ABHD2: variants seen among roughly 807,000 people sequenced by gnomAD.
The protein encoded by ABHD2 is abhydrolase domain containing 2, acylglycerol lipase.
In ABHD2, 20 loss-of-function variants were observed where a neutral mutation model predicts 48.1. The ratio of observed to expected loss-of-function variants is 0.42; its 90% CI spans 0.29 to 0.60. The LOEUF (loss-of-function observed/expected upper bound fraction) is 0.60, where lower values mean the gene tolerates loss of function less well. Among genes scored for constraint, ABHD2 ranks in the 20% least tolerant of loss-of-function variants. The pLI is 0.24. For missense variants in ABHD2, 405 were observed against 550.9 expected, an observed-to-expected ratio of 0.74 and a Z score of 2.65; for synonymous variants, 209 against 214.2, an observed-to-expected ratio of 0.98 and a Z score of 0.21.
chr15:89,149,316 C>T (rs746651177), intron 3 of ABHD2, among the ~76,000 whole-genome samples: 13 of 152,040 alleles, frequency 8.6e-5, no homozygotes, highest in East Asian at 1.9e-4. Context: ...AGTCGCCTAA[C>T]GCCAATCATG....
intron 5 of ABHD2, among the ~76,000 whole-genome samples, chr15:89,161,243 G>A (rs2050757649): frequency 6.6e-6 from 1 of 152,036 alleles, no homozygotes; most frequent in Non-Finnish European, 1.5e-5. Context: ...TTTTATTACA[G>A]ACATTTCAAA....
At chr15:89,069,674 C>CTTTTTTTCTTTTTTT in the ABHD2 span, among the ~76,000 whole-genome samples, 1 of 52,898 alleles carries the variant, frequency 1.9e-5, no homozygotes, top group Non-Finnish European at 3.3e-5. Context: ...TTCATTTACT[C>CTTTTTTTCTTTTTTT]TTTTTTTTTT....
chr15:89,059,890 C>T, the ABHD2 span, among the ~76,000 whole-genome samples: 1 of 152,122 alleles, frequency 6.6e-6, no homozygotes, highest in Non-Finnish European at 1.5e-5. Context: ...CCTGCCCAGG[C>T]CAGCTGTGGA....
At chr15:89,121,672 C>T (rs865804226) in intron 3 of ABHD2, among the ~76,000 whole-genome samples, 22 of 152,172 alleles carry the variant, frequency 1.4e-4, no homozygotes, top group Non-Finnish European at 2.4e-4. Flanking sequence ...GGCCAGCAGC[C>T]GAGGCATGAA....
intron 6 of ABHD2, among the ~76,000 whole-genome samples, chr15:89,183,994 CATGGTGGTCTGGTCCTA>C: frequency 6.6e-6 from 1 of 152,262 alleles, no homozygotes; most frequent in East Asian, 1.9e-4. Flanking sequence ...CGGGGTCCCT[CATGGTGGTCTGGTCCTA>C]TACTCTTCCT....
At chr15:89,141,779 A>G (rs1274102273) in intron 3 of ABHD2, among the ~76,000 whole-genome samples, 1 of 152,150 alleles carries the variant, frequency 6.6e-6, no homozygotes, top group East Asian at 1.9e-4. Flanking sequence ...TTGGAAGCCC[A>G]CGTTGACCAG....
intron 3 of ABHD2, among the ~76,000 whole-genome samples, chr15:89,128,416 C>T (rs1170291223): frequency 6.6e-6 from 1 of 152,204 alleles, no homozygotes; most frequent in Non-Finnish European, 1.5e-5. Context: ...GGCCTTCCAA[C>T]CAGTCAGCAG....
At chr15:89,145,364 A>C (rs1228544769) in intron 3 of ABHD2, among the ~76,000 whole-genome samples, 1 of 152,228 alleles carries the variant, frequency 6.6e-6, no homozygotes, top group Non-Finnish European at 1.5e-5. Context: ...TAAGGAGATT[A>C]CCTGTTTCTC....
intron 5 of ABHD2, among the ~76,000 whole-genome samples, chr15:89,169,250 G>A (rs1014732817): frequency 2.0e-5 from 3 of 152,188 alleles, no homozygotes; most frequent in African/African-American, 7.2e-5. Context: ...CCAAAGTCTA[G>A]CGTTGGACTT....
At chr15:89,145,165 A>G (rs2050470411) in intron 3 of ABHD2, among the ~76,000 whole-genome samples, 1 of 152,256 alleles carries the variant, frequency 6.6e-6, no homozygotes, top group Non-Finnish European at 1.5e-5. Context: ...CTGAAGCAGC[A>G]GAATCACTTG....
intron 3 of ABHD2, among the ~76,000 whole-genome samples, chr15:89,147,335 G>C (rs1043836336): frequency 2.0e-5 from 3 of 149,746 alleles, no homozygotes; most frequent in African/African-American, 4.9e-5. Flanking sequence ...GTTTATAATT[G>C]GGTATTGCAT....
In ABHD2 at chr15:89,183,398, T is replaced by A. The variant is rs1439491139; in HGVS notation, c.723-2026T>A. ...AAAAAAAAAAAAATATATATATATA[T>A]ATATATATATATATATATGAGATGA... On this transcript the variant is annotated intron_variant, in intron 6 of 10. Transcript: ENST00000352732. 4.0e-4 allele frequency: 47 copies of A among 117,996 alleles called. 1 individual carries two copies. Among genetic ancestry groups the A allele is most frequent in the Admixed American group, 1.6e-3 (21 of 12,870 alleles). 7.3% of individuals were successfully genotyped at this position (117,996 alleles called of 1,614,324 possible).
At chr15:89,043,883 C>CTT in the ABHD2 span, among the ~76,000 whole-genome samples, 3 of 150,156 alleles carry the variant, frequency 2.0e-5, no homozygotes, top group Non-Finnish European at 4.4e-5. Context: ...TTTCTCTTTT[C>CTT]TTTTTTTTTC....
In ABHD2 at chr15:89,094,916, T is replaced by G. The variant is rs952112583; in HGVS notation, c.-107+6353T>G. On this transcript the variant is annotated intron_variant, in intron 1 of 10. Transcript: ENST00000352732. The surrounding 1 kb of genome is among the most constrained non-coding windows in gnomAD (Gnocchi z 4.7). ...CATATCCACTAAAAATACAAAATAT[T>G]AGCCGGGCATGGTGGTTCACACTCA... Among the ~76,000 whole-genome samples the G allele has an allele frequency of 2.6e-5, 4 of 151,346 alleles. No homozygotes were observed. Among genetic ancestry groups the G allele is most frequent in the Admixed American group, 2.6e-4 (4 of 15,180 alleles).
At chr15:89,148,757 A>G (rs1358019567) in intron 3 of ABHD2, among the ~76,000 whole-genome samples, 3 of 152,264 alleles carry the variant, frequency 2.0e-5, no homozygotes, top group Non-Finnish European at 4.4e-5. Flanking sequence ...CTCCCGGCAG[A>G]AGAATGGAAT....
chr15:89,105,481 C>A (rs1221164817), intron 1 of ABHD2, among the ~76,000 whole-genome samples: 2 of 152,222 alleles, frequency 1.3e-5, no homozygotes, highest in African/African-American at 4.8e-5. Flanking sequence ...CTAAATAAAA[C>A]TGTTATCACA....
rs2050135046 is a variant in ABHD2, at chr15:89,126,645, G to A, written c.194+10124G>A. On this transcript the variant is annotated intron_variant, in intron 3 of 10. Coordinates refer to ENST00000352732, the MANE Select transcript of ABHD2 (RefSeq NM_152924.5). ...ATACTTTATGGTAAAATAAAATTAA[G>A]ACAGTAAACTGACTTGGAAAATATA... Among the ~76,000 whole-genome samples the A allele has an allele frequency of 2.0e-5, 3 of 152,174 alleles. No individual in the cohort carries two copies. In the South Asian group the frequency reaches 6.2e-4, roughly 32 times the overall value.
intron 1 of ABHD2, among the ~76,000 whole-genome samples, chr15:89,095,802 CA>C (rs2049603354): frequency 6.6e-6 from 1 of 152,156 alleles, no homozygotes; most frequent in Non-Finnish European, 1.5e-5. Context: ...CATTAGATTA[CA>C]AACTCAGACG....
intron 5 of ABHD2, among the ~76,000 whole-genome samples, chr15:89,172,032 T>A (rs201066195): frequency 6.0e-4 from 91 of 150,480 alleles, no homozygotes; most frequent in Admixed American, 3.1e-3. Context: ...TGCTTTTTTT[T>A]TAAAAAAAAT....
Sources: allele counts gnomAD v4.1 joint callset (sites outside exome capture counted in the v4.1 genomes callset), GRCh38; gene constraint gnomAD v4.1.1; non-coding constraint Gnocchi (gnomAD v3.1); transcripts MANE v1.5; gene names NCBI Gene and HGNC (gene_info 2026-07-23, HGNC 2026-07-21).